MARK4: variants seen among roughly 807,000 people sequenced by gnomAD.
MARK4 encodes microtubule affinity regulating kinase 4.
In MARK4, 19 loss-of-function variants were observed where a neutral mutation model predicts 81.5. The observed-to-expected ratio is 0.23, with a 90% CI of 0.16 to 0.34. The LOEUF (loss-of-function observed/expected upper bound fraction) is 0.34, where lower values mean the gene tolerates loss of function less well. Among genes scored for constraint, MARK4 ranks in the 10% least tolerant of loss-of-function variants. MARK4 has a pLI of 1.00. For missense variants in MARK4, 772 were observed against 1,058.8 expected, an observed-to-expected ratio of 0.73 and a Z score of 3.76; for synonymous variants, 436 against 439.0, an observed-to-expected ratio of 0.99 and a Z score of 0.08.
At chr19:45,280,805 T>C (rs760051710) in intron 12 of MARK4, 71 bp downstream of exon 12, 18 of 1,576,602 alleles carry the variant, frequency 1.1e-5, no homozygotes, top group Non-Finnish European at 1.6e-5. Flanking sequence ...TACGTCAGGG[T>C]TCTCTGATTG....
rs1402751489 is a variant in MARK4 at position 45,280,601 on chromosome 19, G to T, written c.1143G>T (p.Gly381=). 2 of 1,613,900 alleles carry T rather than the reference G, an allele frequency of 1.2e-6. No individual in the cohort carries two copies. Among genetic ancestry groups the T allele is most frequent in the African/African-American group, 1.3e-5 (1 of 75,032 alleles). The part of the protein sequence containing the change: ...TEEGGDRGAP[G]LALARVRAPS... ...AGGGTGGGGACCGGGGCGCCCCAGG[G>T]CTGGCCCTGGCACGGGTGCGGGCGC... The change falls in exon 12 of 17, where the codon GGG becomes GGT. Residue 381 remains glycine, a synonymous_variant. Transcript: ENST00000262891.
intron 2 of MARK4, among the ~76,000 whole-genome samples, chr19:45,262,436 G>C (rs900504990): frequency 2.0e-5 from 3 of 152,264 alleles, no homozygotes; most frequent in East Asian, 1.9e-4. Flanking sequence ...AAGAGTTCTC[G>C]TTTGTAAAGC....
Position 45,286,407 on chromosome 19 carries a change from C to G in MARK4, c.1277-1040C>G, listed in dbSNP as rs969483301. Among the ~76,000 whole-genome samples the G allele has an allele frequency of 2.7e-5, 4 of 148,208 alleles. No individual in the cohort carries two copies. In the Admixed American group the frequency reaches 2.7e-4, roughly 10 times the overall value. ...TGGAGAGATTTTATTCATAAACAAA[C>G]ATGTAAAGAGATAAATATGGGACCG... On this transcript the variant is annotated intron_variant, in intron 12 of 16. Coordinates refer to ENST00000262891, the MANE Select transcript of MARK4 (RefSeq NM_001199867.2).
chr19:45,264,210 T>A (rs1404701357), intron 4 of MARK4, among the ~76,000 whole-genome samples: 3 of 151,618 alleles, frequency 2.0e-5, no homozygotes, highest in African/African-American at 4.8e-5. Context: ...AGAGAGAAAG[T>A]GGAAAGGGTG....
At chr19:45,267,604 G>A (rs1046030390) in intron 7 of MARK4, among the ~76,000 whole-genome samples, 1 of 152,224 alleles carries the variant, frequency 6.6e-6, no homozygotes, top group Admixed American at 6.5e-5. Context: ...GCACCTGTGT[G>A]CTAGGCGGCA....
rs1222546698 is a variant in MARK4, at chr19:45,302,652, G to A, written c.2201G>A (p.Gly734Asp). The change falls in exon 17 of 17, where the codon GGC becomes GAC. Residue 734 changes from glycine (G) to aspartate (D), a missense_variant. Transcript: ENST00000262891. The surrounding 1 kb of genome is among the most constrained non-coding windows in gnomAD (Gnocchi z 4.9). ...GGAGTTCTCTTCCGCCGTGTGGCGG[G>A]CACCGCCCTGGCCTTCCGCACCCTC... is the stretch of plus-strand genomic sequence containing the variant. The part of the protein sequence containing the change: ...LRGVLFRRVA[G>D]TALAFRTLVT... The A allele has an allele frequency of 1.3e-6, 2 of 1,538,998 alleles. No homozygotes were observed. Among genetic ancestry groups the A allele is most frequent in the Non-Finnish European group, 8.7e-7 (1 of 1,148,298 alleles).
chr19:45,256,144 A>C (rs1970305146), intron 1 of MARK4, among the ~76,000 whole-genome samples: 1 of 152,196 alleles, frequency 6.6e-6, no homozygotes, highest in Non-Finnish European at 1.5e-5. Context: ...CCAGTGAAAG[A>C]CTTGGTTACC....
intron 16 of MARK4, among the ~76,000 whole-genome samples, chr19:45,300,084 C>T (rs567827268): frequency 3.9e-5 from 6 of 152,344 alleles, no homozygotes; most frequent in African/African-American, 1.4e-4. Flanking sequence ...TGCCATGGCC[C>T]AAGCCTGTAA....
At chr19:45,296,440 A>T (rs1179667230) in intron 14 of MARK4, among the ~76,000 whole-genome samples, 7 of 152,244 alleles carry the variant, frequency 4.6e-5, no homozygotes, top group Non-Finnish European at 8.8e-5. Flanking sequence ...ATCATTTCCC[A>T]ATCAGGAAGA....
At chr19:45,261,505 C>T (rs1298784489) in intron 2 of MARK4, among the ~76,000 whole-genome samples, 1 of 152,200 alleles carries the variant, frequency 6.6e-6, no homozygotes, top group African/African-American at 2.4e-5. Flanking sequence ...TTTTTAAAAA[C>T]ACATTCGTGA....
rs747194041 is a variant in MARK4, at chr19:45,264,669, TC to T, written c.356-12del. ...CTTTCTCCCTAATGCCCTACACTGT[TC>T]CCAACCATTATAGTGAAGCTCTTTG... On this transcript the variant is annotated splice_polypyrimidine_tract_variant and intron_variant, in intron 4 of 16. Transcript: ENST00000262891. 1 of 1,613,930 alleles carries T rather than the reference TC, an allele frequency of 6.2e-7. No individual in the cohort carries two copies. The highest frequency in any genetic ancestry group is 1.1e-5 in the South Asian group (1 of 91,064).
rs144761799 is a variant in MARK4 at position 45,285,659 on chromosome 19, G to A, written c.1277-1788G>A. Among the ~76,000 whole-genome samples the A allele has an allele frequency of 6.7e-3, 1,023 of 152,266 alleles. 9 individuals carry two copies. Among genetic ancestry groups the A allele is most frequent in the African/African-American group, 0.022 (912 of 41,548 alleles). On this transcript the variant is annotated intron_variant, in intron 12 of 16. Coordinates refer to ENST00000262891, the MANE Select transcript of MARK4 (RefSeq NM_001199867.2). ...GACTTTGGTATCATATGGTTAGAAC[G>A]TGGTAACCTTCAGAACTCCCCACAC...
intron 1 of MARK4, among the ~76,000 whole-genome samples, chr19:45,257,572 C>T (rs774071734): frequency 1.6e-4 from 25 of 151,688 alleles, no homozygotes; most frequent in Admixed American, 1.4e-3. Context: ...TTAGTAGAGA[C>T]GGGGTTTCCC....
At chr19:45,272,338 G>T (rs1055342680) in intron 8 of MARK4, among the ~76,000 whole-genome samples, 17 of 151,872 alleles carry the variant, frequency 1.1e-4, no homozygotes, top group African/African-American at 4.1e-4. Flanking sequence ...TCTCCAAAAA[G>T]AAATTAAAAA....
rs1357760457 is a variant in MARK4 at position 45,251,551 on chromosome 19, C to G, written c.-38C>G. ...AGGGGACCCTGGGACCCCCGCCCCCCCCACCCGGCCGCCCCTGCCCCCCGG... is the reference window on the plus strand; with the variant it reads ...AGGGGACCCTGGGACCCCCGCCCCCGCCACCCGGCCGCCCCTGCCCCCCGG... On this transcript the variant is annotated 5_prime_UTR_variant, in exon 1 of 17. Transcript: ENST00000262891. The G allele has an allele frequency of 1.2e-5, 8 of 646,954 alleles. No individual in the cohort carries two copies. The highest frequency in any genetic ancestry group is 1.4e-5 in the Non-Finnish European group (6 of 434,964). The allele number at this position is 646,954 out of a possible 1,614,324, so 40.1% of individuals were successfully genotyped here.
At position 45,263,363 on chromosome 19, in the gene MARK4, C is replaced by T; in HGVS notation, c.351C>T (p.Asn117=). The change falls in exon 4 of 17, where the codon AAC becomes AAT. Residue 117 remains asparagine, a synonymous_variant. Coordinates refer to ENST00000262891, the MANE Select transcript of MARK4 (RefSeq NM_001199867.2). The part of the protein sequence containing the change: ...VRIMKGLNHP[N]IVKLFEVIET... The stretch of plus-strand genomic sequence containing the variant: ...TCATGAAGGGCCTAAACCACCCCAA[C>T]ATCGGTGAGGAGGGAATGGGAGCAG... The T allele has an allele frequency of 1.9e-6, 3 of 1,614,178 alleles. No individual in the cohort carries two copies. The highest frequency in any genetic ancestry group is 1.7e-6 in the Non-Finnish European group (2 of 1,180,016).
Position 45,271,318 on chromosome 19 carries a change from G to C in MARK4, c.550-154G>C, listed in dbSNP as rs143291623. Among the ~76,000 whole-genome samples, 512 of 152,332 alleles carry C rather than the reference G, an allele frequency of 3.4e-3. 7 individuals are homozygous for C. The highest frequency in any genetic ancestry group is 0.012 in the African/African-American group (492 of 41,576). On this transcript the variant is annotated intron_variant, in intron 7 of 16. Transcript: ENST00000262891. The surrounding 1 kb of genome is among the most constrained non-coding windows in gnomAD (Gnocchi z 4.1). ...GGAAACTGAGGCTCAGTGAGGTAAAGTTACTACCTAAGGTCAGGTAGAGAG... is the reference window on the plus strand; with the variant it reads ...GGAAACTGAGGCTCAGTGAGGTAAACTTACTACCTAAGGTCAGGTAGAGAG...
chr19:45,258,891 C>T (rs981531860), intron 1 of MARK4, 98 bp from the exon 2 acceptor site: 26 of 1,335,202 alleles, frequency 1.9e-5, no homozygotes, highest in East Asian at 7.4e-5. Flanking sequence ...AAAAGGGCCA[C>T]GGAGGGGCCG....
chr19:45,289,248 G>T (rs1456133747), intron 13 of MARK4, among the ~76,000 whole-genome samples: 4 of 151,804 alleles, frequency 2.6e-5, no homozygotes, highest in Admixed American at 2.6e-4. Flanking sequence ...TTAGCTGGCT[G>T]TGGTGGCGCA....
Sources: gnomAD v4.1 joint callset for allele counts (sites outside exome capture counted in the v4.1 genomes callset) on GRCh38, gnomAD v4.1.1 for gene constraint, Gnocchi (gnomAD v3.1) non-coding constraint, MANE v1.5 for transcripts, NCBI Gene and HGNC (gene_info 2026-07-23, HGNC 2026-07-21) for gene names.